The following PM20D2 variants were observed in gnomAD, a reference collection of about 807,000 sequenced individuals.
PM20D2 encodes xaa-Arg dipeptidase.
A neutral mutation model predicts 42.9 loss-of-function variants in PM20D2; 33 were observed. That is an observed-to-expected ratio of 0.77 (90% CI 0.58 to 1.03). The LOEUF is 1.03. Ranked by LOEUF, PM20D2 falls within the 50% of genes least tolerant of loss-of-function variation. The probability of loss-of-function intolerance (pLI) is 0.00; values close to 1 mark genes in which losing one functional copy is unlikely to be tolerated. For missense variants in PM20D2, 548 were observed against 557.0 expected, an observed-to-expected ratio of 0.98 and a Z score of 0.16; for synonymous variants, 250 against 228.2, an observed-to-expected ratio of 1.10 and a Z score of -0.86.
chr6:89,114,275 A>G, the PM20D2 span, among the ~76,000 whole-genome samples: 1 of 152,138 alleles, frequency 6.6e-6, no homozygotes, highest in East Asian at 1.9e-4. Flanking sequence ...TAAAAATACA[A>G]AAATTAGCCA....
the PM20D2 span, among the ~76,000 whole-genome samples, chr6:89,138,534 T>A: frequency 6.6e-6 from 1 of 152,126 alleles, no homozygotes; most frequent in South Asian, 2.1e-4. Flanking sequence ...AAAAAAAAAT[T>A]GGCCAGCTAT....
the PM20D2 span, among the ~76,000 whole-genome samples, chr6:89,103,487 C>T: frequency 6.6e-6 from 1 of 152,174 alleles, no homozygotes; most frequent in Admixed American, 6.5e-5. Context: ...TGCCACCACA[C>T]CCACCTAATT....
the PM20D2 span, chr6:89,118,026 C>T: frequency 2.4e-6 from 2 of 846,266 alleles, no homozygotes; most frequent in South Asian, 3.8e-5. Flanking sequence ...CGCCAGCGCG[C>T]AGCCGCAGAG....
rs567782022 is a variant in PM20D2, at chr6:89,164,938, A to AGAAAAG, written c.*2675_*2676insGAAAAG. 2 of 142,770 alleles carry AGAAAAG rather than the reference A, an allele frequency of 1.4e-5. No homozygotes were observed. Among genetic ancestry groups the AGAAAAG allele is most frequent in the African/African-American group, 5.2e-5 (2 of 38,098 alleles). 8.8% of individuals were successfully genotyped at this position (142,770 alleles called of 1,614,324 possible). On this transcript the variant is annotated 3_prime_UTR_variant, in exon 7 of 7. Coordinates refer to ENST00000275072, the MANE Select transcript of PM20D2 (RefSeq NM_001010853.3). The stretch of plus-strand genomic sequence containing the variant: ...CTGTGCCTGTAAAAAAAAAAAAAAA[A>AGAAAAG]AAAAGAAAAGAAAAGACACTGTTGC...
At chr6:89,116,607 T>A in the PM20D2 span, among the ~76,000 whole-genome samples, 1 of 151,954 alleles carries the variant, frequency 6.6e-6, no homozygotes, top group Non-Finnish European at 1.5e-5. Context: ...AAACCTCATC[T>A]CTACTAAAAA....
the PM20D2 span, among the ~76,000 whole-genome samples, chr6:89,122,107 G>T: frequency 1.3e-5 from 2 of 152,204 alleles, no homozygotes; most frequent in Non-Finnish European, 2.9e-5. Context: ...GTTTACTCCT[G>T]AATCCTGTCT....
chr6:89,109,783 T>C, the PM20D2 span, among the ~76,000 whole-genome samples: 63 of 152,316 alleles, frequency 4.1e-4, no homozygotes, highest in African/African-American at 1.4e-3. Context: ...TAAACACCCA[T>C]GTATCTACCA....
the PM20D2 span, among the ~76,000 whole-genome samples, chr6:89,107,719 GAC>G: frequency 6.6e-6 from 1 of 151,994 alleles, no homozygotes; most frequent in Non-Finnish European, 1.5e-5. Context: ...CAGCCTGGGT[GAC>G]AGAGTGAGAC....
At chr6:89,127,351 A>C in the PM20D2 span, among the ~76,000 whole-genome samples, 2 of 146,048 alleles carry the variant, frequency 1.4e-5, no homozygotes, top group Non-Finnish European at 3.0e-5. Flanking sequence ...TTTTTTTGAG[A>C]CGGAGTGTCA....
chr6:89,146,633 A>G, intron 1 of PM20D2, 24 bp downstream of exon 1: 1 of 1,378,246 alleles, frequency 7.3e-7, no homozygotes, highest in Non-Finnish European at 9.3e-7. Flanking sequence ...CGGGTGCGGG[A>G]CCCTATCCGA....
the PM20D2 span, among the ~76,000 whole-genome samples, chr6:89,114,302 T>A: frequency 6.6e-6 from 1 of 151,952 alleles, no homozygotes; most frequent in African/African-American, 2.4e-5. Context: ...GTGGCACACA[T>A]CTGTAATCCC....
chr6:89,130,819 C>CTTTT, the PM20D2 span, among the ~76,000 whole-genome samples: 220 of 24,078 alleles, frequency 9.1e-3, 17 homozygotes, highest in Non-Finnish European at 0.013. Context: ...GCTTCTTCTT[C>CTTTT]TTTTTTTTTT....
the PM20D2 span, among the ~76,000 whole-genome samples, chr6:89,136,232 G>A: frequency 6.6e-6 from 1 of 151,106 alleles, no homozygotes; most frequent in Non-Finnish European, 1.5e-5. Context: ...GTGTTCCCAA[G>A]TATCTTACTG....
chr6:89,119,107 G>A, the PM20D2 span, among the ~76,000 whole-genome samples: 2 of 152,310 alleles, frequency 1.3e-5, no homozygotes, highest in Admixed American at 1.3e-4. Flanking sequence ...AGGCTGTGGA[G>A]GTTCCTGGGT....
chr6:89,099,470 GTATATATATA>G, the PM20D2 span, among the ~76,000 whole-genome samples: 1 of 137,782 alleles, frequency 7.3e-6, no homozygotes, highest in Non-Finnish European at 1.5e-5. Context: ...ATATGTGTGT[GTATATATATA>G]TGTGTGTGTA....
the PM20D2 span, among the ~76,000 whole-genome samples, chr6:89,115,152 C>A: frequency 6.6e-6 from 1 of 152,012 alleles, no homozygotes; most frequent in Admixed American, 6.6e-5. Context: ...GGCTGGAGTA[C>A]AGTGATGTGA....
the PM20D2 span, among the ~76,000 whole-genome samples, chr6:89,121,725 TC>T: frequency 2.0e-4 from 30 of 152,200 alleles, no homozygotes; most frequent in Non-Finnish European, 1.0e-4. Flanking sequence ...TGACAACTGT[TC>T]CCATAACAAA....
chr6:89,120,100 T>C, the PM20D2 span, among the ~76,000 whole-genome samples: 13 of 152,272 alleles, frequency 8.5e-5, no homozygotes, highest in East Asian at 1.9e-4. Flanking sequence ...GTGAGACTTA[T>C]TCACTACCAG....
upstream of PM20D2, among the ~76,000 whole-genome samples, chr6:89,141,337 TTTGCAAGAGCCTTTTA>T (rs1314422209): frequency 3.2e-4 from 49 of 152,306 alleles, no homozygotes; most frequent in Admixed American, 3.0e-3. Flanking sequence ...ATCCTTGGAC[TTTGCAAGAGCCTTTTA>T]TTTATTTTTA....
Sources: allele counts gnomAD v4.1 joint callset (sites outside exome capture counted in the v4.1 genomes callset), GRCh38; gene constraint gnomAD v4.1.1; transcripts MANE v1.5; gene names NCBI Gene and HGNC (gene_info 2026-07-23, HGNC 2026-07-21).